Variants in MCC observed in about 807,000 individuals in gnomAD.
MCC encodes MCC regulator of Wnt signaling pathway.
A neutral mutation model predicts 116.2 loss-of-function variants in MCC; 90 were observed. The ratio of observed to expected loss-of-function variants is 0.77; its 90% CI spans 0.65 to 0.92. The LOEUF (loss-of-function observed/expected upper bound fraction) is 0.92. Ranked by LOEUF, MCC falls within the 40% of genes least tolerant of loss-of-function variation. MCC has a pLI of 0.00. For missense variants in MCC, 1,516 were observed against 1,312.2 expected (o/e 1.16, Z -2.40); for synonymous variants, 578 against 510.5 (o/e 1.13, Z -1.78).
intron 3 of MCC, among the ~76,000 whole-genome samples, chr5:113,281,904 C>A (rs920005476): frequency 6.6e-6 from 1 of 152,142 alleles, no homozygotes; most frequent in African/African-American, 2.4e-5. Flanking sequence ...AGCAAGTAGG[C>A]CCTATAGTAG....
At chr5:113,124,314 G>T in intron 5 of MCC, among the ~76,000 whole-genome samples, 1 of 152,190 alleles carries the variant, frequency 6.6e-6, no homozygotes, top group East Asian at 1.9e-4. Flanking sequence ...TCTACAGGAT[G>T]ATTGTGCACT....
intron 3 of MCC, among the ~76,000 whole-genome samples, chr5:113,198,555 A>T (rs1473255586): frequency 1.4e-5 from 2 of 139,126 alleles, no homozygotes; most frequent in African/African-American, 2.8e-5. Flanking sequence ...AAAAAAAAAA[A>T]TAGCCGGGCA....
intron 3 of MCC, among the ~76,000 whole-genome samples, chr5:113,167,030 G>C (rs1760808044): frequency 6.6e-6 from 1 of 152,146 alleles, no homozygotes; most frequent in South Asian, 2.1e-4. Flanking sequence ...TTCCAGTCGG[G>C]GCGAGTCTCA....
chr5:113,120,805 C>T (rs982120335), intron 6 of MCC, among the ~76,000 whole-genome samples: 1 of 152,186 alleles, frequency 6.6e-6, no homozygotes, highest in Non-Finnish European at 1.5e-5. Flanking sequence ...CTGATGTCTC[C>T]CAGCTGCTTT....
At chr5:113,280,992 G>T (rs1766027077) in intron 3 of MCC, among the ~76,000 whole-genome samples, 1 of 152,182 alleles carries the variant, frequency 6.6e-6, no homozygotes, top group Admixed American at 6.5e-5. Flanking sequence ...CATGGTATAT[G>T]CTGGTCAGCA....
intron 3 of MCC, among the ~76,000 whole-genome samples, chr5:113,287,779 G>A (rs1766321113): frequency 1.3e-5 from 2 of 152,238 alleles, no homozygotes; most frequent in African/African-American, 4.8e-5. Flanking sequence ...GTATCACCAT[G>A]ACATTCCCTA....
chr5:113,157,825 G>C (rs981479469), intron 3 of MCC, among the ~76,000 whole-genome samples: 3 of 152,182 alleles, frequency 2.0e-5, no homozygotes, highest in African/African-American at 7.2e-5. Context: ...ACAAAGCTAT[G>C]ATAAAGTTTA....
At chr5:113,102,396 A>G (rs1756477318) in intron 7 of MCC, among the ~76,000 whole-genome samples, 1 of 152,242 alleles carries the variant, frequency 6.6e-6, no homozygotes, top group Non-Finnish European at 1.5e-5. Flanking sequence ...TAGGCCTCCC[A>G]CATGCCAACT....
chr5:113,488,363 C>CGCCGCCGCT lies in MCC; in HGVS notation c.43_51dup (p.Ser15_Gly17dup), dbSNP rs1561598622. 2.0e-6 allele frequency: 3 copies of CGCCGCCGCT among 1,476,898 alleles called. No homozygotes were observed. Among genetic ancestry groups the CGCCGCCGCT allele is most frequent in the Admixed American group, 4.2e-5 (2 of 47,666 alleles). 91.5% of individuals were successfully genotyped at this position (1,476,898 alleles called of 1,614,324 possible). A position where few individuals can be genotyped will look rare whatever the true frequency, so the allele number is the denominator to read the frequency against. On this transcript the variant is annotated inframe_insertion, in exon 1 of 19. Coordinates refer to ENST00000408903, the MANE Select transcript of MCC (RefSeq NM_001085377.2). Reference sequence around the variant, plus strand: ...CTGCTGCTGCCGCTGCCGCCGCCGCCGCCGCCGCTGCTGGAGCTCCCCGCA... The same window carrying CGCCGCCGCT: ...CTGCTGCTGCCGCTGCCGCCGCCGCCGCCGCCGCTGCCGCCGCTGCTGGAGCTCCCCGCA...
intron 3 of MCC, chr5:113,294,184 A>T (rs1368028335): frequency 8.0e-6 from 8 of 993,972 alleles, no homozygotes; most frequent in Non-Finnish European, 1.0e-5. Context: ...AGATCCAGAA[A>T]ATCTACTAAT....
intron 3 of MCC, among the ~76,000 whole-genome samples, chr5:113,233,994 C>G (rs1471748773): frequency 6.6e-6 from 1 of 152,142 alleles, no homozygotes; most frequent in East Asian, 1.9e-4. Context: ...CACTCTCTAC[C>G]GCAAACAGTG....
At chr5:113,325,474 A>G (rs1375126078) in intron 3 of MCC, among the ~76,000 whole-genome samples, 1 of 151,116 alleles carries the variant, frequency 6.6e-6, no homozygotes, top group East Asian at 1.9e-4. Flanking sequence ...TTTGAAATAG[A>G]AATTCTTCTC....
chr5:113,417,071 G>A (rs1041903958), intron 1 of MCC, among the ~76,000 whole-genome samples: 3 of 148,630 alleles, frequency 2.0e-5, no homozygotes, highest in Non-Finnish European at 3.0e-5. Context: ...CCAGGTTCAA[G>A]TGATTCCCCT....
intron 1 of MCC, among the ~76,000 whole-genome samples, chr5:113,415,640 A>G (rs1009487713): frequency 6.6e-6 from 1 of 152,096 alleles, no homozygotes. Flanking sequence ...GGTCTCCTCT[A>G]CACTGTTTAT....
chr5:113,408,357 A>G (rs987142173), intron 1 of MCC, among the ~76,000 whole-genome samples: 3 of 152,204 alleles, frequency 2.0e-5, no homozygotes, highest in Non-Finnish European at 4.4e-5. Flanking sequence ...AAGAAAAAAG[A>G]GGGAAGGGAA....
intron 3 of MCC, among the ~76,000 whole-genome samples, chr5:113,292,002 G>C (rs1766515031): frequency 6.6e-6 from 1 of 152,158 alleles, no homozygotes; most frequent in Non-Finnish European, 1.5e-5. Flanking sequence ...AGCCGAGGCA[G>C]GCGGATCTCT....
intron 4 of MCC, among the ~76,000 whole-genome samples, chr5:113,143,861 CCTT>C (rs1759337533): frequency 6.6e-6 from 1 of 152,232 alleles, no homozygotes; most frequent in African/African-American, 2.4e-5. Context: ...ATTCACCCCT[CCTT>C]TGCTGAAGTT....
intron 3 of MCC, among the ~76,000 whole-genome samples, chr5:113,201,279 G>C (rs986612123): frequency 6.6e-6 from 1 of 151,858 alleles, no homozygotes; most frequent in Non-Finnish European, 1.5e-5. Context: ...CCAGCTACTC[G>C]GGAGGCTGAA....
intron 3 of MCC, among the ~76,000 whole-genome samples, chr5:113,216,143 G>A (rs1763306851): frequency 6.6e-6 from 1 of 152,094 alleles, no homozygotes; most frequent in Admixed American, 6.6e-5. Flanking sequence ...TGCTTTTGCT[G>A]CAAAAATGGC....
Sources: allele counts gnomAD v4.1 joint callset (sites outside exome capture counted in the v4.1 genomes callset), GRCh38; gene constraint gnomAD v4.1.1; transcripts MANE v1.5; gene names NCBI Gene and HGNC (gene_info 2026-07-23, HGNC 2026-07-21).